The following LRRC1 variants were observed in gnomAD, a reference collection of about 807,000 sequenced individuals.
The protein encoded by LRRC1 is leucine rich repeat containing 1, also known as leucine-rich repeat-containing protein 1.
A neutral mutation model predicts 69.9 loss-of-function variants in LRRC1; 28 were observed. The observed-to-expected ratio is 0.40, with a 90% confidence interval of 0.30 to 0.55. The LOEUF is 0.55. Ranked by LOEUF, LRRC1 falls within the 20% of genes least tolerant of loss-of-function variation. The pLI is 0.47. For synonymous variants in LRRC1, 236 were observed against 240.2 expected (o/e 0.98, Z 0.16); for missense variants, 498 against 609.0 (o/e 0.82, Z 1.92).
At chr6:53,833,054 T>A (rs1765475226) in intron 1 of LRRC1, among the ~76,000 whole-genome samples, 1 of 152,166 alleles carries the variant, frequency 6.6e-6, no homozygotes, top group Non-Finnish European at 1.5e-5. Context: ...ATATCTTTTT[T>A]CTCTCCTCAT....
chr6:53,870,756 A>G (rs1766856019), intron 2 of LRRC1, among the ~76,000 whole-genome samples: 1 of 152,116 alleles, frequency 6.6e-6, no homozygotes, highest in Non-Finnish European at 1.5e-5. Context: ...TCTTACTGTA[A>G]CTTTATACCT....
intron 8 of LRRC1, among the ~76,000 whole-genome samples, chr6:53,900,367 A>G (rs1768021384): frequency 6.6e-6 from 1 of 152,084 alleles, no homozygotes. Flanking sequence ...AGGAAAGCAA[A>G]GAGTATTTAT....
chr6:53,822,811 C>G (rs1300717152), intron 1 of LRRC1, among the ~76,000 whole-genome samples: 1 of 152,178 alleles, frequency 6.6e-6, no homozygotes, highest in East Asian at 1.9e-4. Flanking sequence ...AATTCATTGT[C>G]TGTGACTGTT....
At chr6:53,829,766 G>A (rs1168272115) in intron 1 of LRRC1, among the ~76,000 whole-genome samples, 1 of 152,182 alleles carries the variant, frequency 6.6e-6, no homozygotes, top group Non-Finnish European at 1.5e-5. Flanking sequence ...TGTCCTGGGA[G>A]CTTACCGAGA....
At chr6:53,801,495 A>G (rs900584222) in intron 1 of LRRC1, among the ~76,000 whole-genome samples, 7 of 152,254 alleles carry the variant, frequency 4.6e-5, no homozygotes, top group Non-Finnish European at 8.8e-5. Context: ...ATCCAAAGGA[A>G]TATTTCCCCT....
At chr6:53,874,783 T>C (rs1767011808) in intron 2 of LRRC1, among the ~76,000 whole-genome samples, 1 of 152,186 alleles carries the variant, frequency 6.6e-6, no homozygotes, top group Admixed American at 6.5e-5. Flanking sequence ...TGTTAATATG[T>C]CCAAAATAAA....
intron 7 of LRRC1, among the ~76,000 whole-genome samples, chr6:53,899,057 G>T (rs1767962610): frequency 6.6e-6 from 1 of 152,200 alleles, no homozygotes; most frequent in African/African-American, 2.4e-5. Context: ...ATGAGGTTAA[G>T]ATTTAATATT....
chr6:53,817,762 T>G (rs1350931715), intron 1 of LRRC1, among the ~76,000 whole-genome samples: 8 of 152,208 alleles, frequency 5.3e-5, no homozygotes, highest in Non-Finnish European at 1.2e-4. Context: ...GTTTTGTTTA[T>G]TTTACTTACC....
intron 4 of LRRC1, among the ~76,000 whole-genome samples, chr6:53,889,592 A>G (rs1767609617): frequency 6.6e-6 from 1 of 152,210 alleles, no homozygotes; most frequent in South Asian, 2.1e-4. Context: ...TGCTATAGTC[A>G]AATCCATAGA....
chr6:53,899,701 G>C (rs1313832879), intron 7 of LRRC1, 46 bp from the exon 8 acceptor site: 1 of 1,593,938 alleles, frequency 6.3e-7, no homozygotes. Context: ...CCTCTGCACT[G>C]TGGCAGGTTT....
intron 10 of LRRC1, 72 bp from the exon 11 acceptor site, chr6:53,913,782 A>G: frequency 1.1e-6 from 1 of 924,252 alleles, no homozygotes; most frequent in South Asian, 1.6e-5. Context: ...TGTTTGGTAA[A>G]CAAGGTACTC....
At chr6:53,892,011 T>TATACACACACACACACACAC (rs1428852703) in intron 4 of LRRC1, among the ~76,000 whole-genome samples, 21 of 135,374 alleles carry the variant, frequency 1.6e-4, no homozygotes, top group African/African-American at 5.4e-4. Flanking sequence ...TATATATATA[T>TATACACACACACACACACAC]ACACACACAC....
chr6:53,813,557 T>TTTTTTG (rs1764863640), intron 1 of LRRC1, among the ~76,000 whole-genome samples: 1 of 150,744 alleles, frequency 6.6e-6, no homozygotes, highest in Non-Finnish European at 1.5e-5. Context: ...TTTCTTTTTT[T>TTTTTTG]TTCTGGAAAT....
chr6:53,837,072 T>G (rs898483233), intron 1 of LRRC1, among the ~76,000 whole-genome samples: 2 of 152,210 alleles, frequency 1.3e-5, no homozygotes, highest in African/African-American at 4.8e-5. Context: ...TTCATTGCTG[T>G]GTAGAATTTC....
rs988611100 is a variant in LRRC1 at position 53,847,000 on chromosome 6, A to C, written c.277+4773A>C. 3.9e-5 allele frequency among the ~76,000 whole-genome samples: 6 copies of C among 152,360 alleles called. No homozygotes were observed. The East Asian group carries it at 5.8e-4, about 15-fold the overall frequency. ...GCTGTAATTTGACTTACATCACAGT[A>C]CTATGTCATTATCCATTTAGTTCAG... On this transcript the variant is annotated intron_variant, in intron 2 of 13. Coordinates refer to ENST00000370888, the MANE Select transcript of LRRC1 (RefSeq NM_018214.5).
At chr6:53,873,049 GCCTGGCCACAATGTTA>G (rs1766946576) in intron 2 of LRRC1, among the ~76,000 whole-genome samples, 1 of 151,958 alleles carries the variant, frequency 6.6e-6, no homozygotes, top group Admixed American at 6.6e-5. Flanking sequence ...AAGCCACCAT[GCCTGGCCACAATGTTA>G]ATTCTTCTAA....
Position 53,904,466 on chromosome 6 carries a change from T to C in LRRC1, c.990+4T>C, listed in dbSNP as rs1409624289. ...ATTAGTGTCCTTACCAAAAGAGGTA[T>C]GTGCTTTTAGAGAAATCACATGATA... On this transcript the variant is annotated splice_donor_region_variant and intron_variant, in intron 10 of 13. Transcript: ENST00000370888. 1.3e-6 allele frequency: 2 copies of C among 1,578,750 alleles called. No individual in the cohort carries two copies. The highest frequency in any genetic ancestry group is 2.7e-5 in the African/African-American group (2 of 73,864).
intron 4 of LRRC1, among the ~76,000 whole-genome samples, chr6:53,891,990 T>TAAA (rs11355552): frequency 6.0e-4 from 51 of 84,986 alleles, no homozygotes; most frequent in Middle Eastern, 6.1e-3. Flanking sequence ...AGATTCTGTC[T>TAAA]AAAAAAAAAA....
intron 3 of LRRC1, among the ~76,000 whole-genome samples, 165 bp downstream of exon 3, chr6:53,879,236 A>T (rs1767180384): frequency 6.6e-6 from 1 of 152,250 alleles, no homozygotes; most frequent in Admixed American, 6.5e-5. Flanking sequence ...ATAGCCCTGT[A>T]CAATGAAAGG....
Sources: gnomAD v4.1 joint callset for allele counts (sites outside exome capture counted in the v4.1 genomes callset) on GRCh38, gnomAD v4.1.1 for gene constraint, MANE v1.5 for transcripts, NCBI Gene and HGNC (gene_info 2026-07-23, HGNC 2026-07-21) for gene names.